LRRC4C: variants seen among roughly 807,000 people sequenced by gnomAD.
LRRC4C encodes the protein leucine rich repeat containing 4C.
Under a neutral mutation model 33.6 loss-of-function variants are expected in LRRC4C, and 5 were observed. The ratio of observed to expected loss-of-function variants is 0.15; its 90% CI spans 0.08 to 0.31. The LOEUF (loss-of-function observed/expected upper bound fraction) is 0.31, where lower values mean the gene tolerates loss of function less well. Ranked by LOEUF, LRRC4C falls within the 10% of genes least tolerant of loss-of-function variation. The pLI, the probability that LRRC4C is intolerant of heterozygous loss-of-function variation, is 1.00. For synonymous variants in LRRC4C, 329 were observed against 302.0 expected (o/e 1.09, Z -0.93); for missense variants, 560 against 796.7 (o/e 0.70, Z 3.58).
intron 2 of LRRC4C, among the ~76,000 whole-genome samples, chr11:40,841,873 T>A (rs1952932294): frequency 6.6e-6 from 1 of 152,226 alleles, no homozygotes; most frequent in Admixed American, 6.5e-5. Context: ...TGCCAACAGT[T>A]AACTTAGGGC....
intron 1 of LRRC4C, among the ~76,000 whole-genome samples, chr11:41,264,386 A>G (rs1414100218): frequency 6.6e-6 from 1 of 152,140 alleles, no homozygotes; most frequent in African/African-American, 2.4e-5. Flanking sequence ...CACCATGCCC[A>G]GCCATAAATT....
chr11:40,946,955 C>T (rs2136662773), intron 1 of LRRC4C, among the ~76,000 whole-genome samples: 1 of 152,156 alleles, frequency 6.6e-6, no homozygotes. Context: ...GAAATCAATA[C>T]CAAATAGATC....
chr11:41,269,868 A>G (rs1949268306), intron 1 of LRRC4C, among the ~76,000 whole-genome samples: 1 of 152,114 alleles, frequency 6.6e-6, no homozygotes. Flanking sequence ...TGGCTGAATC[A>G]TTTTAGCAGG....
At chr11:40,503,306 T>G (rs1787834031) in intron 3 of LRRC4C, among the ~76,000 whole-genome samples, 1 of 152,202 alleles carries the variant, frequency 6.6e-6, no homozygotes, top group African/African-American at 2.4e-5. Context: ...TCTAACACAG[T>G]GTTCATGCTA....
intron 1 of LRRC4C, among the ~76,000 whole-genome samples, chr11:40,963,257 C>G (rs1242180751): frequency 6.6e-6 from 1 of 151,722 alleles, no homozygotes; most frequent in African/African-American, 2.4e-5. Context: ...CAATGCAATG[C>G]TATTACAGCG....
intron 3 of LRRC4C, among the ~76,000 whole-genome samples, chr11:40,490,505 T>TGTA (rs1954093239): frequency 6.6e-6 from 1 of 152,116 alleles, no homozygotes; most frequent in African/African-American, 2.4e-5. Context: ...TTTATATTGC[T>TGTA]AATAGGAGAG....
intron 1 of LRRC4C, among the ~76,000 whole-genome samples, chr11:41,135,682 C>T (rs1943225086): frequency 6.6e-6 from 1 of 152,086 alleles, no homozygotes; most frequent in Non-Finnish European, 1.5e-5. Context: ...TAAGCAGTGT[C>T]TGACATATAA....
At chr11:41,330,846 G>A (rs1340039653) in intron 1 of LRRC4C, among the ~76,000 whole-genome samples, 1 of 151,828 alleles carries the variant, frequency 6.6e-6, no homozygotes, top group Non-Finnish European at 1.5e-5. Context: ...TATCTTACAA[G>A]TATATATATA....
intron 5 of LRRC4C, among the ~76,000 whole-genome samples, chr11:40,232,552 T>C (rs1286770598): frequency 6.6e-6 from 1 of 152,214 alleles, no homozygotes; most frequent in Non-Finnish European, 1.5e-5. Context: ...GCAATAGTAA[T>C]GTTTAAAGTA....
At chr11:40,164,390 C>A (rs898043966) in intron 5 of LRRC4C, among the ~76,000 whole-genome samples, 7 of 152,134 alleles carry the variant, frequency 4.6e-5, no homozygotes, top group African/African-American at 1.7e-4. Flanking sequence ...TACAGGCATG[C>A]ACCACTATGC....
chr11:41,012,585 T>A (rs1855286444), intron 1 of LRRC4C, among the ~76,000 whole-genome samples: 1 of 152,202 alleles, frequency 6.6e-6, no homozygotes, highest in Admixed American at 6.5e-5. Context: ...ATTTCCTTTC[T>A]TTTGAATATA....
chr11:41,042,995 G>GTT lies in LRRC4C; in HGVS notation c.-495-109274_-495-109273dup, dbSNP rs201548974. On this transcript the variant is annotated intron_variant, in intron 1 of 6. Coordinates refer to ENST00000528697, the MANE Select transcript of LRRC4C (RefSeq NM_001258419.2). ...GCATTCCAATGAACTACTGCCACCT[G>GTT]TTTTGTTTTTTTTTTTCCTTCTTTG... Among the ~76,000 whole-genome samples the GTT allele has an allele frequency of 8.8e-3, 527 of 59,708 alleles. 3 individuals are homozygous for GTT. The highest frequency in any genetic ancestry group is 0.027 in the African/African-American group (500 of 18,290). 39.2% of individuals were successfully genotyped at this position (59,708 alleles called of 152,430 possible).
chr11:40,350,402 T>C (rs1399493852), intron 3 of LRRC4C, among the ~76,000 whole-genome samples: 1 of 152,018 alleles, frequency 6.6e-6, no homozygotes, highest in Non-Finnish European at 1.5e-5. Context: ...ACGGCAGATG[T>C]ATGGATTTGT....
At chr11:41,102,480 G>A (rs559862) in intron 1 of LRRC4C, among the ~76,000 whole-genome samples, 145,776 of 152,086 alleles carry the variant, frequency 0.96, 70,189 homozygotes, top group East Asian at 1. Flanking sequence ...TCGTATTGAA[G>A]TATATTCTCT....
rs1346008582 is a variant in LRRC4C, at chr11:40,999,813, C to T, written c.-495-66090G>A. 4.6e-5 allele frequency among the ~76,000 whole-genome samples: 7 copies of T among 152,096 alleles called. No homozygotes were observed. The South Asian group carries it at 1.0e-3, about 23-fold the overall frequency. On this transcript the variant is annotated intron_variant, in intron 1 of 6. Coordinates refer to ENST00000528697, the MANE Select transcript of LRRC4C (RefSeq NM_001258419.2). The stretch of plus-strand genomic sequence containing the variant: ...TTGGAAGCACAAAATAAGGAATACC[C>T]GAGTTTCCCTAGCAGAGCGTGAAAG...
At chr11:40,463,970 C>G (rs184063279) in intron 3 of LRRC4C, among the ~76,000 whole-genome samples, 71 of 152,124 alleles carry the variant, frequency 4.7e-4, no homozygotes, top group Non-Finnish European at 7.8e-4. Flanking sequence ...GGAATTATCC[C>G]TAACTCATTC....
intron 3 of LRRC4C, among the ~76,000 whole-genome samples, chr11:40,543,275 T>C (rs1956794741): frequency 6.6e-6 from 1 of 152,110 alleles, no homozygotes; most frequent in Admixed American, 6.6e-5. Flanking sequence ...TTTAAAATTT[T>C]ACAGGAAAAA....
intron 3 of LRRC4C, among the ~76,000 whole-genome samples, chr11:40,616,470 T>C (rs1437439670): frequency 1.1e-4 from 16 of 151,704 alleles, no homozygotes; most frequent in Admixed American, 1.1e-3. Flanking sequence ...CATATGTTTA[T>C]TGCGGCACTA....
chr11:41,427,854 C>T (rs1182703000), intron 1 of LRRC4C, among the ~76,000 whole-genome samples: 2 of 152,144 alleles, frequency 1.3e-5, no homozygotes, highest in Non-Finnish European at 2.9e-5. Flanking sequence ...TAACTGATGA[C>T]ATTACCTTGT....
Sources: gnomAD v4.1 joint callset for allele counts (sites outside exome capture counted in the v4.1 genomes callset) on GRCh38, gnomAD v4.1.1 for gene constraint, MANE v1.5 for transcripts, NCBI Gene and HGNC (gene_info 2026-07-23, HGNC 2026-07-21) for gene names.